Variants in SGCG observed in about 807,000 individuals in gnomAD.
SGCG encodes gamma-sarcoglycan.
A neutral mutation model predicts 29.3 loss-of-function variants in SGCG; 26 were observed. That is an observed-to-expected ratio of 0.89 (90% confidence interval 0.65 to 1.23). The LOEUF is 1.23. Among genes scored for constraint, SGCG ranks in the 50% most tolerant of loss-of-function variants. SGCG has a pLI of 0.00. For missense variants in SGCG, 353 were observed against 356.0 expected, an observed-to-expected ratio of 0.99 and a Z score of 0.07; for synonymous variants, 145 against 129.7, an observed-to-expected ratio of 1.12 and a Z score of -0.80.
intron 6 of SGCG, among the ~76,000 whole-genome samples, chr13:23,312,799 T>C (rs1431467780): frequency 7.7e-6 from 1 of 129,116 alleles, no homozygotes; most frequent in African/African-American, 2.8e-5. Flanking sequence ...TTATATTAAA[T>C]TGTTTTTCCA....
intron 2 of SGCG, among the ~76,000 whole-genome samples, chr13:23,210,725 T>C (rs1236494454): frequency 6.6e-6 from 1 of 152,148 alleles, no homozygotes; most frequent in Non-Finnish European, 1.5e-5. Context: ...CACAATCCAT[T>C]CATGCCTGCT....
intron 3 of SGCG, 50 bp from the exon 4 acceptor site, chr13:23,250,577 TATA>T: frequency 2.4e-6 from 2 of 828,676 alleles, no homozygotes; most frequent in Non-Finnish European, 4.2e-6. Flanking sequence ...ATTATAAAGA[TATA>T]ATCATTTTAA....
chr13:23,251,201 C>T (rs1026743494), intron 4 of SGCG, among the ~76,000 whole-genome samples: 4 of 152,180 alleles, frequency 2.6e-5, no homozygotes, highest in South Asian at 2.1e-4. Flanking sequence ...CTGTACAGAA[C>T]CTATAGGGCC....
intron 6 of SGCG, among the ~76,000 whole-genome samples, chr13:23,298,550 T>C (rs1355209778): frequency 6.6e-6 from 1 of 152,176 alleles, no homozygotes; most frequent in African/African-American, 2.4e-5. Context: ...TATAATTAAA[T>C]TATAACAAGG....
chr13:23,201,870 C>G (rs1325795537), intron 1 of SGCG, among the ~76,000 whole-genome samples: 1 of 152,198 alleles, frequency 6.6e-6, no homozygotes, highest in Non-Finnish European at 1.5e-5. Flanking sequence ...CAATTGCACT[C>G]TCCTAGTCTG....
intron 2 of SGCG, among the ~76,000 whole-genome samples, chr13:23,206,149 A>G (rs1054561334): frequency 6.6e-6 from 1 of 152,300 alleles, no homozygotes; most frequent in East Asian, 1.9e-4. Context: ...TTCATGTTTT[A>G]TTTATTTTAA....
At chr13:23,200,145 G>A (rs1270277712) in intron 1 of SGCG, among the ~76,000 whole-genome samples, 1 of 152,142 alleles carries the variant, frequency 6.6e-6, no homozygotes, top group East Asian at 1.9e-4. Context: ...TGGGTTGGCC[G>A]GGCGTGGTGG....
chr13:23,236,792 C>T (rs1420268487), intron 3 of SGCG, among the ~76,000 whole-genome samples: 2 of 152,046 alleles, frequency 1.3e-5, no homozygotes, highest in Non-Finnish European at 2.9e-5. Flanking sequence ...TAGATAATCA[C>T]ATATTAAAGT....
chr13:23,220,333 C>G (rs774611402), intron 2 of SGCG, among the ~76,000 whole-genome samples: 14 of 152,144 alleles, frequency 9.2e-5, no homozygotes, highest in Non-Finnish European at 1.8e-4. Flanking sequence ...GCCTGTAATC[C>G]CAGCTACTTG....
At chr13:23,248,038 GCCAAA>G (rs1879786575) in intron 3 of SGCG, among the ~76,000 whole-genome samples, 1 of 87,354 alleles carries the variant, frequency 1.1e-5, no homozygotes, top group South Asian at 5.6e-4. Flanking sequence ...ACTTTGGAAG[GCCAAA>G]GCGGGTGGAT....
Position 23,236,640 on chromosome 13 carries a change from T to C in SGCG, c.297+1928T>C, listed in dbSNP as rs113881779. Among the ~76,000 whole-genome samples, 546 of 152,246 alleles carry C rather than the reference T, an allele frequency of 3.6e-3. 4 individuals carry two copies. Among genetic ancestry groups the C allele is most frequent in the African/African-American group, 0.012 (516 of 41,548 alleles). ...TTGCAGTGAGCCGAGATCATGCCAC[T>C]GCACTCCAGCCTGGGCCACAGAGTG... is the stretch of plus-strand genomic sequence containing the variant. On this transcript the variant is annotated intron_variant, in intron 3 of 7. Coordinates refer to ENST00000218867, the MANE Select transcript of SGCG (RefSeq NM_000231.3).
At chr13:23,315,749 ATGGTT>A (rs1332974838) in intron 6 of SGCG, among the ~76,000 whole-genome samples, 8 of 152,210 alleles carry the variant, frequency 5.3e-5, no homozygotes, top group Non-Finnish European at 1.2e-4. Context: ...GCTGTAGCCA[ATGGTT>A]TGGCTGGATG....
intron 4 of SGCG, among the ~76,000 whole-genome samples, chr13:23,265,109 CTCA>C (rs1437460075): frequency 1.3e-5 from 2 of 152,024 alleles, no homozygotes; most frequent in African/African-American, 2.4e-5. Flanking sequence ...AAAATAAATA[CTCA>C]TCAGAGTAAA....
chr13:23,203,416 A>C (rs113027010), intron 1 of SGCG, among the ~76,000 whole-genome samples: 1 of 152,236 alleles, frequency 6.6e-6, no homozygotes. Context: ...TTAACATCTG[A>C]ATTTATTAAC....
intron 1 of SGCG, among the ~76,000 whole-genome samples, chr13:23,202,177 G>T: frequency 6.6e-6 from 1 of 152,202 alleles, no homozygotes; most frequent in East Asian, 1.9e-4. Context: ...GCGAAGTCCG[G>T]CTCATATAGG....
chr13:23,304,779 TTTTG>T (rs544180005), intron 6 of SGCG, among the ~76,000 whole-genome samples: 106 of 152,130 alleles, frequency 7.0e-4, no homozygotes, highest in Admixed American at 1.8e-3. Flanking sequence ...AATTTTTGTA[TTTTG>T]TTTGTTTGTT....
chr13:23,288,726 T>C (rs762680943), intron 5 of SGCG, among the ~76,000 whole-genome samples: 2 of 152,206 alleles, frequency 1.3e-5, no homozygotes, highest in Non-Finnish European at 2.9e-5. Context: ...CATCAAAATG[T>C]TGTCTTCAAA....
intron 5 of SGCG, among the ~76,000 whole-genome samples, chr13:23,284,036 C>T (rs1881406018): frequency 6.6e-6 from 1 of 152,172 alleles, no homozygotes; most frequent in African/African-American, 2.4e-5. Context: ...CTGCCCTTAA[C>T]ATGTTTTCCT....
chr13:23,165,338 C>T, the SGCG span, among the ~76,000 whole-genome samples: 1 of 151,948 alleles, frequency 6.6e-6, no homozygotes, highest in African/African-American at 2.4e-5. Flanking sequence ...TTCTCAAGTC[C>T]ATAATTATGT....
Sources: allele counts gnomAD v4.1 joint callset (sites outside exome capture counted in the v4.1 genomes callset), GRCh38; gene constraint gnomAD v4.1.1; transcripts MANE v1.5; gene names NCBI Gene and HGNC (gene_info 2026-07-23, HGNC 2026-07-21).